Variants in VPS13A observed in about 807,000 individuals in gnomAD.
VPS13A encodes vacuolar protein sorting 13 homolog A.
In VPS13A, 264 loss-of-function variants were observed where a neutral mutation model predicts 390.9. That is an observed-to-expected ratio of 0.68 (90% CI 0.61 to 0.75). The LOEUF (loss-of-function observed/expected upper bound fraction) is 0.75. Among genes scored for constraint, VPS13A ranks in the 30% least tolerant of loss-of-function variants. The probability of loss-of-function intolerance (pLI) is 0.00; values close to 1 mark genes in which losing one functional copy is unlikely to be tolerated. For missense variants in VPS13A, 3,409 were observed against 3,733.9 expected (o/e 0.91, Z 2.27); for synonymous variants, 1,231 against 1,227.1 (o/e 1.00, Z -0.07).
At chr9:77,250,461 C>G (rs1825092114) in intron 21 of VPS13A, among the ~76,000 whole-genome samples, 1 of 152,124 alleles carries the variant, frequency 6.6e-6, no homozygotes, top group Non-Finnish European at 1.5e-5. Context: ...ATGAGTGGCA[C>G]TCCTAGCATC....
At chr9:77,369,574 A>G (rs1483127366) in intron 63 of VPS13A, among the ~76,000 whole-genome samples, 162 bp downstream of exon 63, 1 of 152,186 alleles carries the variant, frequency 6.6e-6, no homozygotes, top group African/African-American at 2.4e-5. Context: ...TTTGGGGGAC[A>G]TTTTTACCCT....
At chr9:77,202,421 C>T (rs1311143756) in intron 3 of VPS13A, among the ~76,000 whole-genome samples, 5 of 151,896 alleles carry the variant, frequency 3.3e-5, no homozygotes, top group African/African-American at 1.2e-4. Context: ...GCTATTTTTA[C>T]AGTTTTATAT....
At chr9:77,351,175 A>G (rs1831443871) in intron 52 of VPS13A, 142 bp from the exon 53 acceptor site, 1 of 1,047,522 alleles carries the variant, frequency 9.5e-7, no homozygotes, top group Non-Finnish European at 1.4e-6. Context: ...TAATTGTATA[A>G]GGTAAGAATT....
chr9:77,185,174 G>A (rs947643455), intron 1 of VPS13A, among the ~76,000 whole-genome samples: 4 of 150,866 alleles, frequency 2.7e-5, no homozygotes, highest in African/African-American at 4.9e-5. Flanking sequence ...ACAGAGTCTC[G>A]CTCTGTCGCC....
intron 17 of VPS13A, 47 bp downstream of exon 17, chr9:77,228,311 T>G (rs1464508573): frequency 2.6e-6 from 4 of 1,511,438 alleles, no homozygotes; most frequent in African/African-American, 2.8e-5. Context: ...AAAACTTCAC[T>G]GTGTTCTTAG....
At chr9:77,319,765 A>G (rs1422602010) in intron 42 of VPS13A, 92 bp downstream of exon 42, 2 of 688,678 alleles carry the variant, frequency 2.9e-6, no homozygotes, top group South Asian at 2.3e-5. Context: ...TCACAGCAAA[A>G]TTGAGAAGAA....
chr9:77,385,465 T>G (rs1267653223), intron 68 of VPS13A, among the ~76,000 whole-genome samples: 3 of 152,022 alleles, frequency 2.0e-5, no homozygotes, highest in African/African-American at 7.2e-5. Flanking sequence ...TCAGAATATT[T>G]GGAAACTTCT....
At chr9:77,256,574 A>T (rs1009966490) in intron 22 of VPS13A, among the ~76,000 whole-genome samples, 6 of 152,092 alleles carry the variant, frequency 3.9e-5, no homozygotes, top group African/African-American at 1.4e-4. Flanking sequence ...TTCAGTATTG[A>T]CAGTGAGATA....
intron 19 of VPS13A, among the ~76,000 whole-genome samples, chr9:77,240,724 T>C (rs1406018038): frequency 6.6e-6 from 1 of 152,112 alleles, no homozygotes; most frequent in Non-Finnish European, 1.5e-5. Context: ...GTGATCCATC[T>C]CAGCCTCCCA....
At position 77,366,767 on chromosome 9, in the gene VPS13A, C is replaced by G; in HGVS notation, c.8366C>G (p.Ala2789Gly). The G allele has an allele frequency of 6.2e-7, 1 of 1,613,122 alleles. No individual in the cohort carries two copies. The highest frequency in any genetic ancestry group is 8.5e-7 in the Non-Finnish European group (1 of 1,179,432). ...SVSLSSGREE[A>G]KDSKQNGGLI... Reference sequence around the variant, plus strand: ...TCACTGAGTTCCGGCAGAGAAGAAGCTAAAGATTCAAAACAAAATGGAGGA... The same window carrying G: ...TCACTGAGTTCCGGCAGAGAAGAAGGTAAAGATTCAAAACAAAATGGAGGA... Residue 2789 changes from alanine to glycine, a missense_variant, in exon 61 of 72, where the codon GCT (alanine) becomes GGT (glycine). Transcript: ENST00000360280.
intron 71 of VPS13A, among the ~76,000 whole-genome samples, chr9:77,409,284 C>G (rs60094860): frequency 0.013 from 1,910 of 152,242 alleles, 45 homozygotes; most frequent in African/African-American, 0.043. Flanking sequence ...ACATCCACAC[C>G]AAAGCCCCAT....
chr9:77,316,824 ATGTAACTTCATT>A (rs1829421012), intron 39 of VPS13A, among the ~76,000 whole-genome samples: 1 of 151,934 alleles, frequency 6.6e-6, no homozygotes, highest in African/African-American at 2.4e-5. Context: ...CCTTGTCTCC[ATGTAACTTCATT>A]TGAACCTTCA....
intron 37 of VPS13A, among the ~76,000 whole-genome samples, chr9:77,314,991 TAAA>T (rs1216294760): frequency 6.6e-6 from 1 of 152,152 alleles, no homozygotes; most frequent in Non-Finnish European, 1.5e-5. Flanking sequence ...GGGAAGTACA[TAAA>T]AAATTGAAAA....
chr9:77,344,222 C>T lies in VPS13A; in HGVS notation c.7096C>T (p.Pro2366Ser), dbSNP rs200107412. 2.1e-4 allele frequency: 333 copies of T among 1,613,128 alleles called. 1 individual carries two copies. Among genetic ancestry groups the T allele is most frequent in the Middle Eastern group, 2.0e-3 (12 of 6,054 alleles). ...LIQVERSEDP[P>S]KRIYFNKQEN... ...TCAAGTCGAAAGGAGTGAAGATCCT[C>T]CCAAAAGGATATATTTTAACAAGCA... is the stretch of plus-strand genomic sequence containing the variant. Residue 2366 changes from proline to serine, a missense_variant, in exon 51 of 72, where the codon CCC (proline) becomes TCC (serine). Coordinates refer to ENST00000360280, the MANE Select transcript of VPS13A (RefSeq NM_033305.3).
chr9:77,328,388 A>C (rs953559836), intron 45 of VPS13A, among the ~76,000 whole-genome samples: 4 of 152,226 alleles, frequency 2.6e-5, no homozygotes, highest in Non-Finnish European at 4.4e-5. Context: ...GGATTTTCAT[A>C]ATGGTAAAAG....
Position 77,211,494 on chromosome 9 carries a change from G to A in VPS13A, c.555+819G>A, listed in dbSNP as rs1590004921. The A allele has an allele frequency of 2.6e-5, 4 of 152,018 alleles. No homozygotes were observed. In the South Asian group the frequency reaches 8.3e-4, roughly 32 times the overall value. The allele number at this position is 152,018 out of a possible 1,614,324, so 9.4% of individuals were successfully genotyped here. A position where few individuals can be genotyped will look rare whatever the true frequency, so the allele number is the denominator to read the frequency against. On this transcript the variant is annotated intron_variant, in intron 7 of 71. Transcript: ENST00000360280. ...CATGATTTTATTTGTTGTATCTATTGGGTTTTGTGTAAGATTTCTTTTTAA... is the reference window on the plus strand; with the variant it reads ...CATGATTTTATTTGTTGTATCTATTAGGTTTTGTGTAAGATTTCTTTTTAA...
chr9:77,218,804 G>A (rs1297678590), intron 10 of VPS13A, among the ~76,000 whole-genome samples: 1 of 152,088 alleles, frequency 6.6e-6, no homozygotes, highest in Non-Finnish European at 1.5e-5. Context: ...ATAGGCTGTA[G>A]CATGGATTTG....
intron 1 of VPS13A, among the ~76,000 whole-genome samples, chr9:77,180,495 A>T (rs927015975): frequency 6.6e-6 from 1 of 152,188 alleles, no homozygotes; most frequent in South Asian, 2.1e-4. Context: ...GGCTTTTGGT[A>T]TTCATATCTA....
chr9:77,405,896 G>A lies in VPS13A; in HGVS notation c.9308G>A (p.Gly3103Glu). Residue 3103 changes from glycine to glutamate, a missense_variant, in exon 70 of 72, where the codon GGA becomes GAA. This residue lies in a region of VPS13A where 318 missense variants were observed against 333.7 expected (regional missense o/e 0.95). Coordinates refer to ENST00000360280, the MANE Select transcript of VPS13A (RefSeq NM_033305.3). Reference protein sequence around the residue: ...GVLFVTKGTFGQLTCEWQYSF... With the variant: ...GVLFVTKGTFEQLTCEWQYSF... ...TTGTTTGTAACAAAGGGAACATTTG[G>A]ACAACTCACGTGTGAGTGGCAGTAT... 1 of 1,613,762 alleles carries A rather than the reference G, an allele frequency of 6.2e-7. No homozygotes were observed. Among genetic ancestry groups the A allele is most frequent in the Non-Finnish European group, 8.5e-7 (1 of 1,179,976 alleles).
Sources: allele counts gnomAD v4.1 joint callset (sites outside exome capture counted in the v4.1 genomes callset), GRCh38; gene constraint gnomAD v4.1.1; regional missense constraint gnomAD v4.1.1; transcripts MANE v1.5; gene names NCBI Gene and HGNC (gene_info 2026-07-23, HGNC 2026-07-21).